The following SCOC variants were observed in gnomAD, a reference collection of about 807,000 sequenced individuals.
The protein encoded by SCOC is short coiled-coil protein, also known as short coiled coil protein.
A neutral mutation model predicts 9.9 loss-of-function variants in SCOC; 7 were observed. That is an observed-to-expected ratio of 0.71 (90% CI 0.40 to 1.33). SCOC has a LOEUF of 1.33. SCOC is among the 40% of genes most tolerant of loss of function. The probability of loss-of-function intolerance (pLI) is 0.01; values close to 1 mark genes in which losing one functional copy is unlikely to be tolerated. For missense variants in SCOC, 66 were observed against 89.7 expected (o/e 0.74, Z 1.07); for synonymous variants, 19 against 28.2 (o/e 0.67, Z 1.03).
intron 1 of SCOC, among the ~76,000 whole-genome samples, chr4:140,280,830 T>C (rs1323785658): frequency 6.6e-6 from 1 of 152,180 alleles, no homozygotes; most frequent in Admixed American, 6.5e-5. Context: ...TCAAAGTAAT[T>C]TGCGACCTGA....
At chr4:140,358,566 T>G (rs1727331224) in intron 2 of SCOC, among the ~76,000 whole-genome samples, 1 of 152,234 alleles carries the variant, frequency 6.6e-6, no homozygotes, top group South Asian at 2.1e-4. Context: ...CTTCTCAGCC[T>G]GGGTTCTGAG....
In SCOC at chr4:140,384,393, C is replaced by T. The variant is rs1728647724; in HGVS notation, c.*3289C>T. On this transcript the variant is annotated 3_prime_UTR_variant, in exon 4 of 4. Coordinates refer to ENST00000608372, the MANE Select transcript of SCOC (RefSeq NM_001153484.2). ...GGAAAAGACTCGACCAAATTTTAGA[C>T]AGGCACCTCTGAGCCCTGTTTTTGA... is the stretch of plus-strand genomic sequence containing the variant. 6.6e-6 allele frequency: 1 copy of T among 152,192 alleles called. No individual in the cohort carries two copies. Among genetic ancestry groups the T allele is most frequent in the Non-Finnish European group, 1.5e-5 (1 of 68,032 alleles). The allele number at this position is 152,192 out of a possible 1,614,324, so 9.4% of individuals were successfully genotyped here.
At chr4:140,339,349 A>G (rs553603610), upstream of SCOC, among the ~76,000 whole-genome samples, 78 of 152,048 alleles carry the variant, frequency 5.1e-4, no homozygotes, top group African/African-American at 1.6e-3. Flanking sequence ...TAAAAACCCT[A>G]GAAGAAAACC....
chr4:140,288,754 A>T (rs1321072981), intron 1 of SCOC, among the ~76,000 whole-genome samples: 1 of 151,734 alleles, frequency 6.6e-6, no homozygotes, highest in Non-Finnish European at 1.5e-5. Context: ...CACCACACAC[A>T]TCACCCTCAT....
At chr4:140,258,998 T>C (rs981722675) in intron 1 of SCOC, among the ~76,000 whole-genome samples, 1 of 152,236 alleles carries the variant, frequency 6.6e-6, no homozygotes, top group Non-Finnish European at 1.5e-5. Flanking sequence ...TTTCACCAGA[T>C]TCTGTTTGCT....
At chr4:140,267,130 A>G (rs1240253765) in intron 1 of SCOC, among the ~76,000 whole-genome samples, 1 of 152,228 alleles carries the variant, frequency 6.6e-6, no homozygotes, top group African/African-American at 2.4e-5. Flanking sequence ...GCTGGAGTTC[A>G]GCTTACAGAA....
chr4:140,262,188 A>C (rs192720899), intron 1 of SCOC, among the ~76,000 whole-genome samples: 2 of 152,316 alleles, frequency 1.3e-5, no homozygotes, highest in South Asian at 2.1e-4. Context: ...CTATGAAAGA[A>C]AGGCTTTTTG....
intron 1 of SCOC, among the ~76,000 whole-genome samples, chr4:140,309,942 T>C (rs1488389226): frequency 6.6e-6 from 1 of 152,182 alleles, no homozygotes; most frequent in African/African-American, 2.4e-5. Context: ...TTCTAAATGT[T>C]TTCATTGCCT....
chr4:140,379,772 A>G (rs1728491684), intron 3 of SCOC, 120 bp downstream of exon 3: 1 of 661,778 alleles, frequency 1.5e-6, no homozygotes, highest in Non-Finnish European at 2.7e-6. Flanking sequence ...ACTTCAAAGT[A>G]CACACATATA....
At chr4:140,318,101 C>T (rs1202803029) in intron 1 of SCOC, among the ~76,000 whole-genome samples, 2 of 151,734 alleles carry the variant, frequency 1.3e-5, no homozygotes, top group East Asian at 1.9e-4. Flanking sequence ...TTGATTTAAA[C>T]GTTAGACCTA....
rs1309046203 is a variant in SCOC, at chr4:140,385,711, A to T, written c.*4607A>T. The T allele has an allele frequency of 6.6e-6, 1 of 152,200 alleles. No homozygotes were observed. The highest frequency in any genetic ancestry group is 6.5e-5 in the Admixed American group (1 of 15,284). 9.4% of individuals were successfully genotyped at this position (152,200 alleles called of 1,614,324 possible). ...CCATTCTTTACTTTGCCCAATAAAAATTTTGTTATTCCCTGAACACTTTGT... is the reference window on the plus strand; with the variant it reads ...CCATTCTTTACTTTGCCCAATAAAATTTTTGTTATTCCCTGAACACTTTGT... On this transcript the variant is annotated 3_prime_UTR_variant, in exon 4 of 4. Transcript: ENST00000608372.
intron 2 of SCOC, among the ~76,000 whole-genome samples, chr4:140,354,211 A>G (rs1727108429): frequency 6.6e-6 from 1 of 151,970 alleles, no homozygotes. Flanking sequence ...TTTTTTAACA[A>G]TGTTTCTTAT....
intron 2 of SCOC, among the ~76,000 whole-genome samples, chr4:140,353,975 A>G (rs1727095722): frequency 6.6e-6 from 1 of 152,236 alleles, no homozygotes; most frequent in Non-Finnish European, 1.5e-5. Context: ...GCCTGCGCAC[A>G]TGCGTGGTTT....
intron 2 of SCOC, among the ~76,000 whole-genome samples, chr4:140,348,578 G>GCA (rs1257084489): frequency 1.6e-4 from 6 of 38,696 alleles, no homozygotes; most frequent in South Asian, 6.3e-4. Context: ...ATATATATAC[G>GCA]CACACACACA....
chr4:140,305,519 A>G (rs1426804669), intron 1 of SCOC, among the ~76,000 whole-genome samples: 1 of 152,244 alleles, frequency 6.6e-6, no homozygotes, highest in Non-Finnish European at 1.5e-5. Flanking sequence ...CTCTGGCAAG[A>G]ACAAACCAAC....
At chr4:140,323,152 G>A (rs1239532002) in intron 1 of SCOC, among the ~76,000 whole-genome samples, 1 of 152,076 alleles carries the variant, frequency 6.6e-6, no homozygotes, top group African/African-American at 2.4e-5. Context: ...GGGTCATAGG[G>A]GCAGATACCT....
intron 1 of SCOC, among the ~76,000 whole-genome samples, chr4:140,298,107 G>A (rs1731704477): frequency 6.6e-6 from 1 of 152,166 alleles, no homozygotes; most frequent in African/African-American, 2.4e-5. Flanking sequence ...GGGGACATCT[G>A]GTTCTCGGGA....
intron 2 of SCOC, among the ~76,000 whole-genome samples, chr4:140,347,129 T>G (rs984200351): frequency 6.6e-6 from 1 of 152,174 alleles, no homozygotes; most frequent in African/African-American, 2.4e-5. Context: ...AAGAATGAAA[T>G]AAAAATATAT....
intron 2 of SCOC, among the ~76,000 whole-genome samples, chr4:140,350,042 C>T (rs1452235602): frequency 6.6e-6 from 1 of 152,230 alleles, no homozygotes; most frequent in Non-Finnish European, 1.5e-5. Flanking sequence ...TCCCTCCACA[C>T]AGTGCCTAGT....
Sources: allele counts gnomAD v4.1 joint callset (sites outside exome capture counted in the v4.1 genomes callset), GRCh38; gene constraint gnomAD v4.1.1; transcripts MANE v1.5; gene names NCBI Gene and HGNC (gene_info 2026-07-23, HGNC 2026-07-21).